LHFPL6: variants seen among roughly 807,000 people sequenced by gnomAD.
LHFPL6 encodes the protein LHFPL tetraspan subfamily member 6, also known as LHFPL tetraspan subfamily member 6 protein.
In LHFPL6, 9 loss-of-function variants were observed where a neutral mutation model predicts 20.6. The ratio of observed to expected loss-of-function variants is 0.44; its 90% CI spans 0.26 to 0.76. LHFPL6 has a LOEUF of 0.76. Ranked by LOEUF, LHFPL6 falls within the 30% of genes least tolerant of loss-of-function variation. The pLI is 0.20. For missense variants in LHFPL6, 218 were observed against 253.5 expected (o/e 0.86, Z 0.95); for synonymous variants, 105 against 98.7 (o/e 1.06, Z -0.38).
At chr13:39,571,553 C>T (rs58918104) in intron 2 of LHFPL6, among the ~76,000 whole-genome samples, 13,558 of 152,260 alleles carry the variant, frequency 0.089, 701 homozygotes, top group East Asian at 0.23. Context: ...AAACTACCCA[C>T]CTTCACCATC....
At chr13:39,547,598 T>G (rs1222841474) in intron 2 of LHFPL6, among the ~76,000 whole-genome samples, 1 of 152,092 alleles carries the variant, frequency 6.6e-6, no homozygotes, top group Non-Finnish European at 1.5e-5. Flanking sequence ...AGTGAGATAT[T>G]GCAGCAAATC....
In LHFPL6 at chr13:39,400,548, C is replaced by T. The variant is rs548438202; in HGVS notation, c.386-22022G>A. ...CCTGTAATCCCAGCACTTTGGGAGG[C>T]CGAGGCGGGCGGATCACGAGGTCAG... On this transcript the variant is annotated intron_variant, in intron 2 of 3. Coordinates refer to ENST00000379589, the MANE Select transcript of LHFPL6 (RefSeq NM_005780.3). 2.3e-4 allele frequency among the ~76,000 whole-genome samples: 35 copies of T among 152,072 alleles called. No individual in the cohort carries two copies. The East Asian group carries it at 3.5e-3, about 15-fold the overall frequency.
intron 2 of LHFPL6, among the ~76,000 whole-genome samples, chr13:39,573,132 G>A (rs2138532161): frequency 6.6e-6 from 1 of 152,136 alleles, no homozygotes; most frequent in African/African-American, 2.4e-5. Flanking sequence ...TATGGTATAG[G>A]ACTCCAGATA....
At chr13:39,518,173 T>G (rs1869990325) in intron 2 of LHFPL6, among the ~76,000 whole-genome samples, 1 of 152,140 alleles carries the variant, frequency 6.6e-6, no homozygotes, top group Non-Finnish European at 1.5e-5. Flanking sequence ...CTCAGAGACC[T>G]CCATAATTTC....
chr13:39,405,713 T>G (rs1593300286), intron 2 of LHFPL6, among the ~76,000 whole-genome samples: 1 of 152,288 alleles, frequency 6.6e-6, no homozygotes, highest in East Asian at 1.9e-4. Flanking sequence ...TCTCAGGCAC[T>G]TTTGCCTAAT....
chr13:39,592,492 C>A (rs1022234200), intron 2 of LHFPL6, among the ~76,000 whole-genome samples: 3 of 152,072 alleles, frequency 2.0e-5, no homozygotes, highest in Non-Finnish European at 2.9e-5. Flanking sequence ...AGCTTACCAA[C>A]CAAAAAAAGT....
intron 2 of LHFPL6, among the ~76,000 whole-genome samples, chr13:39,465,969 C>T (rs1207941439): frequency 6.6e-6 from 1 of 152,022 alleles, no homozygotes; most frequent in African/African-American, 2.4e-5. Flanking sequence ...CATACTGTGA[C>T]TGGGATCCTA....
chr13:39,397,625 CTT>C (rs1870876889), intron 2 of LHFPL6, among the ~76,000 whole-genome samples: 2 of 152,164 alleles, frequency 1.3e-5, no homozygotes, highest in African/African-American at 4.8e-5. Flanking sequence ...TTGTTCTCCA[CTT>C]TTTGTTTTTA....
intron 2 of LHFPL6, among the ~76,000 whole-genome samples, chr13:39,586,733 A>T (rs1872460129): frequency 6.6e-6 from 1 of 152,200 alleles, no homozygotes; most frequent in Non-Finnish European, 1.5e-5. Flanking sequence ...ACATTGCTAT[A>T]ACAGGCCTGT....
At chr13:39,428,982 C>T (rs1466746890) in intron 2 of LHFPL6, among the ~76,000 whole-genome samples, 1 of 152,050 alleles carries the variant, frequency 6.6e-6, no homozygotes, top group Non-Finnish European at 1.5e-5. Context: ...TTTCAGATAT[C>T]TTTATAATAC....
intron 2 of LHFPL6, among the ~76,000 whole-genome samples, chr13:39,378,756 T>G (rs1002567321): frequency 7.2e-5 from 11 of 152,212 alleles, no homozygotes; most frequent in Non-Finnish European, 1.3e-4. Context: ...ACTTTGCCTT[T>G]TAAAGCATTA....
At chr13:39,492,222 A>T (rs1259937996) in intron 2 of LHFPL6, among the ~76,000 whole-genome samples, 1 of 152,226 alleles carries the variant, frequency 6.6e-6, no homozygotes, top group Non-Finnish European at 1.5e-5. Flanking sequence ...GTAGGTGAAG[A>T]TAGCAATTGT....
At chr13:39,468,860 C>T (rs1032761355) in intron 2 of LHFPL6, among the ~76,000 whole-genome samples, 9 of 138,772 alleles carry the variant, frequency 6.5e-5, no homozygotes, top group Admixed American at 3.1e-4. Flanking sequence ...ACCACTTATA[C>T]AGCTGGAAGA....
At chr13:39,495,375 T>C (rs945560690) in intron 2 of LHFPL6, among the ~76,000 whole-genome samples, 2 of 152,206 alleles carry the variant, frequency 1.3e-5, no homozygotes, top group African/African-American at 4.8e-5. Flanking sequence ...GTCTAGTCAA[T>C]CATGTATGGA....
At chr13:39,442,194 GT>G (rs1872158200) in intron 2 of LHFPL6, among the ~76,000 whole-genome samples, 1 of 151,538 alleles carries the variant, frequency 6.6e-6, no homozygotes, top group African/African-American at 2.4e-5. Context: ...AAAGAACTGA[GT>G]TTAAAAAAAA....
intron 2 of LHFPL6, among the ~76,000 whole-genome samples, chr13:39,532,680 T>G (rs1870500749): frequency 6.6e-6 from 1 of 152,126 alleles, no homozygotes; most frequent in African/African-American, 2.4e-5. Context: ...AGACAGAATG[T>G]TTTCTAGACT....
intron 2 of LHFPL6, among the ~76,000 whole-genome samples, chr13:39,595,790 A>G (rs1193568072): frequency 6.6e-6 from 1 of 152,210 alleles, no homozygotes; most frequent in Non-Finnish European, 1.5e-5. Flanking sequence ...GAAGACCAGG[A>G]GATCTTTTCA....
intron 2 of LHFPL6, among the ~76,000 whole-genome samples, chr13:39,510,139 G>A (rs9315694): frequency 0.25 from 38,547 of 152,082 alleles, 5,601 homozygotes; most frequent in African/African-American, 0.4. Context: ...ACAATGAGGC[G>A]TAATGATAAA....
intron 3 of LHFPL6, among the ~76,000 whole-genome samples, chr13:39,370,875 A>C (rs1270081423): frequency 6.6e-6 from 1 of 152,168 alleles, no homozygotes; most frequent in South Asian, 2.1e-4. Context: ...AAGAGCTCAA[A>C]ATTTTTTTAA....
Sources: allele counts gnomAD v4.1 joint callset (sites outside exome capture counted in the v4.1 genomes callset), GRCh38; gene constraint gnomAD v4.1.1; transcripts MANE v1.5; gene names NCBI Gene and HGNC (gene_info 2026-07-23, HGNC 2026-07-21).